The following AIMP1 variants were observed in gnomAD, a reference collection of about 807,000 sequenced individuals.
The protein encoded by AIMP1 is aminoacyl tRNA synthetase complex interacting multifunctional protein 1.
A neutral mutation model predicts 33.1 loss-of-function variants in AIMP1; 24 were observed. The ratio of observed to expected loss-of-function variants is 0.73; its 90% CI spans 0.53 to 1.02. AIMP1 has a LOEUF of 1.02. Among genes scored for constraint, AIMP1 ranks in the 50% least tolerant of loss-of-function variants. AIMP1 has a pLI of 0.00. For missense variants in AIMP1, 367 were observed against 364.8 expected (o/e 1.01, Z -0.05); for synonymous variants, 120 against 121.5 (o/e 0.99, Z 0.08).
chr4:106,331,500 T>G (rs1769674696), intron 4 of AIMP1, among the ~76,000 whole-genome samples, 172 bp from the exon 5 acceptor site: 1 of 152,158 alleles, frequency 6.6e-6, no homozygotes, highest in Admixed American at 6.5e-5. Flanking sequence ...GGATTCAAGA[T>G]TTTATGACTT....
chr4:106,321,859 T>A (rs1769268747), intron 1 of AIMP1, among the ~76,000 whole-genome samples: 1 of 152,196 alleles, frequency 6.6e-6, no homozygotes, highest in South Asian at 2.1e-4. Context: ...TAAGAAAAAT[T>A]CTTCTGCCTT....
At position 106,348,748 on chromosome 4, in the gene AIMP1, AGG is replaced by A. The variant is rs910523457; in HGVS notation, c.*1058_*1059del. ...GCAAGATAGGGAGTGTGGATAGGGG[AGG>A]GCTGGTAGCTAACAAGGGGCCTCAC... On this transcript the variant is annotated 3_prime_UTR_variant, in exon 7 of 7. Coordinates refer to ENST00000672341, the MANE Select transcript of AIMP1 (RefSeq NM_001142416.2). 1 of 152,116 alleles carries A rather than the reference AGG, an allele frequency of 6.6e-6. No homozygotes were observed. The highest frequency in any genetic ancestry group is 2.4e-5 in the African/African-American group (1 of 41,412). 9.4% of individuals were successfully genotyped at this position (152,116 alleles called of 1,614,324 possible). A position where few individuals can be genotyped will look rare whatever the true frequency, so the allele number is the denominator to read the frequency against.
intron 6 of AIMP1, among the ~76,000 whole-genome samples, chr4:106,344,059 C>G (rs1770200176): frequency 6.6e-6 from 1 of 152,068 alleles, no homozygotes; most frequent in African/African-American, 2.4e-5. Flanking sequence ...AGCTATATGT[C>G]TAGTTCTCAG....
chr4:106,339,111 T>G (rs1770000822), intron 6 of AIMP1, among the ~76,000 whole-genome samples: 1 of 152,184 alleles, frequency 6.6e-6, no homozygotes. Context: ...TGCTTTTGAT[T>G]TTATGGCTCA....
chr4:106,325,616 C>T (rs1290319474), intron 2 of AIMP1, among the ~76,000 whole-genome samples: 1 of 151,934 alleles, frequency 6.6e-6, no homozygotes, highest in Non-Finnish European at 1.5e-5. Flanking sequence ...ATTTTGTCTT[C>T]TGTAGGTGGC....
chr4:106,328,116 T>A lies in AIMP1; in HGVS notation c.264T>A (p.Ala88=), dbSNP rs369233911. The A allele has an allele frequency of 5.0e-6, 8 of 1,613,612 alleles. No homozygotes were observed. In the East Asian group the frequency reaches 1.3e-4, roughly 27 times the overall value. The stretch of plus-strand genomic sequence containing the variant: ...TTCCATCTGGTACTCCACTGCACGC[T>A]AATTCTATGGTTTCTGAAAATGTGA... The part of the protein sequence containing the change: ...IPFPSGTPLH[A]NSMVSENVIQ... The change falls in exon 4 of 7, where the codon GCT becomes GCA. Residue 88 remains alanine, a synonymous_variant. Coordinates refer to ENST00000672341, the MANE Select transcript of AIMP1 (RefSeq NM_001142416.2).
chr4:106,328,523 G>T (rs761990943), intron 4 of AIMP1, among the ~76,000 whole-genome samples: 2 of 152,096 alleles, frequency 1.3e-5, no homozygotes, highest in Non-Finnish European at 2.9e-5. Flanking sequence ...TATGTAGTTT[G>T]GTATGGCTGA....
At chr4:106,331,920 C>A (rs781641259) in intron 5 of AIMP1, 37 bp downstream of exon 5, 4 of 1,553,858 alleles carry the variant, frequency 2.6e-6, no homozygotes, top group South Asian at 1.1e-5. Context: ...TGTGTACATA[C>A]AACATTTTCA....
At chr4:106,346,609 T>C (rs1337261795) in intron 6 of AIMP1, among the ~76,000 whole-genome samples, 1 of 152,174 alleles carries the variant, frequency 6.6e-6, no homozygotes, top group Non-Finnish European at 1.5e-5. Context: ...AAATCCAAAG[T>C]AGTTATCATC....
upstream of AIMP1, chr4:106,316,355 A>AGG (rs1768870928): frequency 1.7e-6 from 1 of 580,562 alleles, no homozygotes; most frequent in South Asian, 2.1e-5. Flanking sequence ...GTGCGGGGGG[A>AGG]CGGGGGGGGT....
chr4:106,329,703 C>A (rs1049675469), intron 4 of AIMP1, among the ~76,000 whole-genome samples: 41 of 149,220 alleles, frequency 2.7e-4, no homozygotes, highest in Admixed American at 1.7e-3. Context: ...TAGCTGCTAG[C>A]TAGGACTGCC....
At chr4:106,338,024 T>TGA (rs1769956591) in intron 6 of AIMP1, among the ~76,000 whole-genome samples, 2 of 152,162 alleles carry the variant, frequency 1.3e-5, no homozygotes. Context: ...TTGAGAAAGA[T>TGA]GAGTTAGGGT....
intron 5 of AIMP1, among the ~76,000 whole-genome samples, chr4:106,332,998 A>G (rs1769739896): frequency 6.6e-6 from 1 of 152,062 alleles, no homozygotes; most frequent in Admixed American, 6.6e-5. Context: ...AAAAATTCAG[A>G]ACTAAGCCCC....
chr4:106,336,929 T>C lies in AIMP1; in HGVS notation c.664T>C (p.Leu222=). ...GAAACCTGCAAAGATGAGGGGAGTA[T>C]TATCTCAAGCAATGGTCATGTGTGC... is the stretch of plus-strand genomic sequence containing the variant. ...NLKPAKMRGV[L]SQAMVMCASS... is the part of the protein sequence containing the mutation. Residue 222 remains leucine (L), a synonymous_variant, in exon 6 of 7, where the codon TTA becomes CTA. Coordinates refer to ENST00000672341, the MANE Select transcript of AIMP1 (RefSeq NM_001142416.2). 6.2e-7 allele frequency: 1 copy of C among 1,614,090 alleles called. No homozygotes were observed. Among genetic ancestry groups the C allele is most frequent in the Non-Finnish European group, 8.5e-7 (1 of 1,179,974 alleles).
At chr4:106,317,518 A>G (rs1414360239) in intron 1 of AIMP1, among the ~76,000 whole-genome samples, 2 of 152,218 alleles carry the variant, frequency 1.3e-5, no homozygotes, top group Non-Finnish European at 2.9e-5. Flanking sequence ...AAAGGAGACC[A>G]ATAAGAAGAG....
At position 106,336,721 on chromosome 4, in the gene AIMP1, T is replaced by A. The variant is rs577563209; in HGVS notation, c.604-148T>A. Reference sequence around the variant, plus strand: ...TTTATGCAAAGCTTCGTAACAACAATAAGAGACTTTGGGCACACAAAGACA... The same window carrying A: ...TTTATGCAAAGCTTCGTAACAACAAAAAGAGACTTTGGGCACACAAAGACA... On this transcript the variant is annotated intron_variant, in intron 5 of 6. Coordinates refer to ENST00000672341, the MANE Select transcript of AIMP1 (RefSeq NM_001142416.2). 296 of 780,238 alleles carry A rather than the reference T, an allele frequency of 3.8e-4. 2 individuals are homozygous for A. The African/African-American group carries it at 4.2e-3, about 11-fold the overall frequency. The allele number at this position is 780,238 out of a possible 1,614,324, so 48.3% of individuals were successfully genotyped here.
chr4:106,333,239 C>G (rs994416677), intron 5 of AIMP1, among the ~76,000 whole-genome samples: 2 of 151,874 alleles, frequency 1.3e-5, no homozygotes, highest in East Asian at 1.9e-4. Context: ...TACCATGTCT[C>G]AAAAAAACAA....
intron 5 of AIMP1, 82 bp from the exon 6 acceptor site, chr4:106,336,787 A>G: frequency 7.9e-7 from 1 of 1,272,378 alleles, no homozygotes; most frequent in South Asian, 1.2e-5. Context: ...TACTTAGCAT[A>G]TTAGGTGTAG....
intron 2 of AIMP1, 28 bp from the exon 3 acceptor site, chr4:106,327,421 CAT>C (rs773513562): frequency 3.0e-5 from 46 of 1,510,794 alleles, no homozygotes; most frequent in African/African-American, 5.5e-5. Flanking sequence ...CTTTTAAAAA[CAT>C]ATTTTAACTG....
Sources: allele counts gnomAD v4.1 joint callset (sites outside exome capture counted in the v4.1 genomes callset), GRCh38; gene constraint gnomAD v4.1.1; transcripts MANE v1.5; gene names NCBI Gene and HGNC (gene_info 2026-07-23, HGNC 2026-07-21).